The following BTBD9 variants were observed in gnomAD, a reference collection of about 807,000 sequenced individuals.
BTBD9 encodes BTB domain containing 9.
In BTBD9, 49 loss-of-function variants were observed where a neutral mutation model predicts 64.3. The observed-to-expected ratio is 0.76, with a 90% CI of 0.61 to 0.97. The LOEUF (loss-of-function observed/expected upper bound fraction) is 0.97, where lower values mean the gene tolerates loss of function less well. Among genes scored for constraint, BTBD9 ranks in the 50% least tolerant of loss-of-function variants. The pLI is 0.00. For missense variants in BTBD9, 598 were observed against 762.1 expected, an observed-to-expected ratio of 0.78 and a Z score of 2.53; for synonymous variants, 260 against 274.7, an observed-to-expected ratio of 0.95 and a Z score of 0.53.
intron 9 of BTBD9, among the ~76,000 whole-genome samples, chr6:38,210,529 C>A (rs934126212): frequency 1.9e-5 from 2 of 103,862 alleles, no homozygotes; most frequent in Non-Finnish European, 3.7e-5. Flanking sequence ...TGGGAGAGTG[C>A]GTGTGTTTGT....
intron 8 of BTBD9, among the ~76,000 whole-genome samples, chr6:38,261,970 C>A (rs572091531): frequency 2.2e-4 from 34 of 152,302 alleles, no homozygotes; most frequent in African/African-American, 7.2e-4. Flanking sequence ...GGAATTAAAC[C>A]CCTTTGTTGA....
At chr6:38,467,936 G>A (rs932495782) in intron 6 of BTBD9, among the ~76,000 whole-genome samples, 4 of 151,490 alleles carry the variant, frequency 2.6e-5, no homozygotes, top group African/African-American at 7.3e-5. Flanking sequence ...TTCTTTAAAC[G>A]GCCTTACTTA....
At chr6:38,276,133 A>G (rs186196765) in intron 8 of BTBD9, among the ~76,000 whole-genome samples, 4 of 152,232 alleles carry the variant, frequency 2.6e-5, no homozygotes, top group Non-Finnish European at 5.9e-5. Context: ...GATTAAGAAA[A>G]TGTGGCACAT....
At chr6:38,465,712 TA>T (rs1770331498) in intron 6 of BTBD9, among the ~76,000 whole-genome samples, 2 of 18,318 alleles carry the variant, frequency 1.1e-4, no homozygotes, top group East Asian at 4.5e-3. Flanking sequence ...ATAAATTATA[TA>T]TATATATATA....
chr6:38,340,089 CT>C (rs1332920747), intron 7 of BTBD9, among the ~76,000 whole-genome samples: 3 of 152,136 alleles, frequency 2.0e-5, no homozygotes, highest in Non-Finnish European at 4.4e-5. Context: ...AGATCAAAAG[CT>C]TAAACAAAAA....
At chr6:38,300,676 A>G (rs961146850) in intron 7 of BTBD9, among the ~76,000 whole-genome samples, 3 of 152,210 alleles carry the variant, frequency 2.0e-5, no homozygotes, top group African/African-American at 7.2e-5. Context: ...TTACTGGTGT[A>G]TAAGAATGTT....
chr6:38,392,763 C>A (rs1253912072), intron 6 of BTBD9, among the ~76,000 whole-genome samples: 3 of 150,886 alleles, frequency 2.0e-5, no homozygotes, highest in African/African-American at 7.3e-5. Flanking sequence ...GAAAACAAAA[C>A]AAAACACCAA....
At chr6:38,550,264 A>G (rs138114373) in intron 6 of BTBD9, among the ~76,000 whole-genome samples, 3 of 151,944 alleles carry the variant, frequency 2.0e-5, no homozygotes, top group African/African-American at 7.2e-5. Flanking sequence ...CTATCCTTTC[A>G]GTTGTTCAGG....
intron 6 of BTBD9, among the ~76,000 whole-genome samples, chr6:38,426,073 G>A (rs12199941): frequency 0.05 from 7,660 of 151,972 alleles, 298 homozygotes; most frequent in Middle Eastern, 0.14. Flanking sequence ...TCCAGGTGGA[G>A]AGGAGGGGCT....
In BTBD9 at chr6:38,187,199, A is replaced by C. The variant is rs183903304; in HGVS notation, c.1641+5320T>G. The stretch of plus-strand genomic sequence containing the variant: ...ACTAAAGACTCCCTCGACGTTTGTT[A>C]ACGTTGTTGACAAGGCCCAGTTTAT... On this transcript the variant is annotated intron_variant, in intron 10 of 10. Transcript: ENST00000481247. 2.0e-5 allele frequency among the ~76,000 whole-genome samples: 3 copies of C among 152,326 alleles called. No homozygotes were observed. In the East Asian group the frequency reaches 5.8e-4, roughly 29 times the overall value.
chr6:38,502,618 A>G (rs942937318), intron 6 of BTBD9, among the ~76,000 whole-genome samples: 3 of 152,226 alleles, frequency 2.0e-5, no homozygotes, highest in African/African-American at 7.2e-5. Context: ...CCAAACCTGC[A>G]GAGATGAGCA....
intron 2 of BTBD9, 193 bp from the exon 3 acceptor site, chr6:38,594,520 G>T (rs1484869260): frequency 4.7e-6 from 3 of 638,462 alleles, no homozygotes; most frequent in Non-Finnish European, 7.4e-6. Context: ...AAAACTATTT[G>T]AATTAATTCT....
At chr6:38,595,876 T>C (rs1777011427) in intron 2 of BTBD9, 5 of 985,306 alleles carry the variant, frequency 5.1e-6, no homozygotes, top group Non-Finnish European at 6.0e-6. Context: ...AACTTCTCCT[T>C]CTCGGGGAGA....
chr6:38,474,431 G>A (rs1770790484), intron 6 of BTBD9, among the ~76,000 whole-genome samples: 1 of 152,190 alleles, frequency 6.6e-6, no homozygotes, highest in Admixed American at 6.5e-5. Context: ...GCTGAGACAG[G>A]AGAATTGCTG....
intron 6 of BTBD9, among the ~76,000 whole-genome samples, chr6:38,368,919 T>C (rs1299049158): frequency 1.3e-5 from 2 of 152,210 alleles, no homozygotes; most frequent in Admixed American, 6.5e-5. Flanking sequence ...GCTGAAGACA[T>C]AGCCATTTAG....
At chr6:38,181,714 T>C (rs936157331) in intron 10 of BTBD9, among the ~76,000 whole-genome samples, 1 of 152,158 alleles carries the variant, frequency 6.6e-6, no homozygotes, top group African/African-American at 2.4e-5. Context: ...GGGCCGGGCA[T>C]GGTGGCTCAC....
intron 7 of BTBD9, among the ~76,000 whole-genome samples, chr6:38,313,645 T>C (rs940276318): frequency 2.0e-5 from 3 of 152,202 alleles, no homozygotes; most frequent in African/African-American, 7.2e-5. Flanking sequence ...TATATGGTGT[T>C]TGTCCTTTAT....
intron 6 of BTBD9, among the ~76,000 whole-genome samples, chr6:38,384,387 A>G (rs1766065304): frequency 6.6e-6 from 1 of 152,236 alleles, no homozygotes; most frequent in Non-Finnish European, 1.5e-5. Context: ...TGGTATTAAA[A>G]GAGACAAAGA....
At chr6:38,249,229 T>C (rs1764307634) in intron 9 of BTBD9, among the ~76,000 whole-genome samples, 1 of 152,230 alleles carries the variant, frequency 6.6e-6, no homozygotes, top group African/African-American at 2.4e-5. Flanking sequence ...AGATTTGTTC[T>C]CTGCAATCGC....
Sources: allele counts gnomAD v4.1 joint callset (sites outside exome capture counted in the v4.1 genomes callset), GRCh38; gene constraint gnomAD v4.1.1; transcripts MANE v1.5; gene names NCBI Gene and HGNC (gene_info 2026-07-23, HGNC 2026-07-21).